HDAC9: variants seen among roughly 807,000 people sequenced by gnomAD.
HDAC9 encodes the protein histone deacetylase 9.
In HDAC9, 41 loss-of-function variants were observed where a neutral mutation model predicts 139.4. That is an observed-to-expected ratio of 0.29 (90% CI 0.23 to 0.38). The LOEUF is 0.38. Ranked by LOEUF, HDAC9 falls within the 10% of genes least tolerant of loss-of-function variation. The pLI is 1.00. For synonymous variants in HDAC9, 517 were observed against 476.2 expected (o/e 1.09, Z -1.12); for missense variants, 1,147 against 1,297.0 (o/e 0.88, Z 1.78).
intron 21 of HDAC9, among the ~76,000 whole-genome samples, chr7:18,866,787 A>G (rs149152426): frequency 5.3e-4 from 81 of 152,318 alleles, no homozygotes; most frequent in African/African-American, 1.9e-3. Context: ...GAGCACGTCA[A>G]ATGAGTGGGT....
At chr7:18,967,847 G>A (rs962899339) in intron 24 of HDAC9, among the ~76,000 whole-genome samples, 1 of 151,942 alleles carries the variant, frequency 6.6e-6, no homozygotes, top group Non-Finnish European at 1.5e-5. Flanking sequence ...TATGTGACAG[G>A]TGAGGACAGT....
At chr7:18,248,099 A>G (rs907237008) in intron 2 of HDAC9, among the ~76,000 whole-genome samples, 4 of 152,216 alleles carry the variant, frequency 2.6e-5, no homozygotes, top group Non-Finnish European at 5.9e-5. Context: ...AAGTACATAA[A>G]AATGTATTAT....
chr7:18,426,618 A>G (rs530020063), intron 1 of HDAC9, among the ~76,000 whole-genome samples: 2 of 152,208 alleles, frequency 1.3e-5, no homozygotes, highest in Admixed American at 6.5e-5. Flanking sequence ...TCAGGCATCT[A>G]ATAGCCAAAA....
intron 1 of HDAC9, among the ~76,000 whole-genome samples, chr7:18,330,536 C>G (rs1476036461): frequency 6.6e-6 from 1 of 151,400 alleles, no homozygotes; most frequent in Admixed American, 6.6e-5. Flanking sequence ...GAATTAATCT[C>G]TTAGAATACT....
At chr7:18,426,650 A>G (rs1033191000) in intron 1 of HDAC9, among the ~76,000 whole-genome samples, 1 of 152,178 alleles carries the variant, frequency 6.6e-6, no homozygotes, top group African/African-American at 2.4e-5. Context: ...ACTCATACAC[A>G]CCATCTTGAA....
At chr7:18,249,197 A>G (rs1794753305) in intron 2 of HDAC9, among the ~76,000 whole-genome samples, 1 of 152,172 alleles carries the variant, frequency 6.6e-6, no homozygotes, top group South Asian at 2.1e-4. Flanking sequence ...AAATAAAATA[A>G]TATTTTCATA....
chr7:18,507,982 G>A (rs1277689910), intron 2 of HDAC9, among the ~76,000 whole-genome samples: 1 of 152,208 alleles, frequency 6.6e-6, no homozygotes, highest in Non-Finnish European at 1.5e-5. Flanking sequence ...TTTGGAAGAT[G>A]AAATTGTTTG....
chr7:18,328,782 C>G (rs1335920984), intron 1 of HDAC9, among the ~76,000 whole-genome samples: 1 of 151,746 alleles, frequency 6.6e-6, no homozygotes, highest in Non-Finnish European at 1.5e-5. Context: ...CTTGTAGTGT[C>G]CTTGTCCGGC....
upstream of HDAC9, chr7:18,290,044 C>T (rs1227969583): frequency 6.5e-6 from 1 of 155,018 alleles, no homozygotes; most frequent in African/African-American, 2.4e-5. Context: ...CCACTTCCCA[C>T]ACGTCCTCTG....
At chr7:18,426,128 T>A (rs972017659) in intron 1 of HDAC9, among the ~76,000 whole-genome samples, 15 of 152,254 alleles carry the variant, frequency 9.9e-5, no homozygotes, top group African/African-American at 2.7e-4. Flanking sequence ...AAATCAAGCA[T>A]AATTATGAGC....
At chr7:18,800,391 T>G (rs1479723471) in intron 17 of HDAC9, among the ~76,000 whole-genome samples, 1 of 152,240 alleles carries the variant, frequency 6.6e-6, no homozygotes, top group Non-Finnish European at 1.5e-5. Context: ...TCATTTTGCA[T>G]GAAACATTCC....
chr7:18,576,796 A>G (rs1388472437), intron 2 of HDAC9, among the ~76,000 whole-genome samples: 1 of 152,218 alleles, frequency 6.6e-6, no homozygotes, highest in African/African-American at 2.4e-5. Context: ...GGAGAAAAGA[A>G]CAGTAAGAGA....
intron 2 of HDAC9, among the ~76,000 whole-genome samples, chr7:18,226,217 G>GAT (rs1302714323): frequency 6.6e-6 from 1 of 152,128 alleles, no homozygotes; most frequent in African/African-American, 2.4e-5. Context: ...TGCTATAGCT[G>GAT]ATACTGGAGC....
At chr7:18,124,858 C>T (rs989362111) in intron 1 of HDAC9, among the ~76,000 whole-genome samples, 3 of 151,820 alleles carry the variant, frequency 2.0e-5, no homozygotes, top group African/African-American at 4.8e-5. Context: ...CCAAAAGGAA[C>T]AGATGACTGA....
intron 17 of HDAC9, among the ~76,000 whole-genome samples, chr7:18,826,507 C>A (rs563741525): frequency 1.3e-5 from 2 of 152,252 alleles, no homozygotes; most frequent in East Asian, 1.9e-4. Flanking sequence ...AGAAGAAGAT[C>A]ATTTTCAACC....
intron 6 of HDAC9, among the ~76,000 whole-genome samples, chr7:18,625,311 C>T (rs1178781723): frequency 6.6e-6 from 1 of 152,154 alleles, no homozygotes; most frequent in Admixed American, 6.5e-5. Context: ...TTGGGAATCT[C>T]TGACAGATAT....
intron 1 of HDAC9, among the ~76,000 whole-genome samples, chr7:18,441,970 C>T (rs551422617): frequency 6.6e-6 from 1 of 152,216 alleles, no homozygotes; most frequent in South Asian, 2.1e-4. Context: ...CAGGGTTTCA[C>T]TGTATTTGCC....
intron 12 of HDAC9, among the ~76,000 whole-genome samples, chr7:18,726,493 C>T (rs1178126): frequency 0.025 from 3,825 of 152,124 alleles, 91 homozygotes; most frequent in Middle Eastern, 0.078. Context: ...TAGAATTAGA[C>T]GTTTAAAAAT....
intron 17 of HDAC9, among the ~76,000 whole-genome samples, chr7:18,794,014 G>A (rs939330499): frequency 1.3e-5 from 2 of 152,018 alleles, no homozygotes; most frequent in African/African-American, 2.4e-5. Flanking sequence ...TTTCTACATC[G>A]TATGAAAAGA....
Sources: gnomAD v4.1 joint callset for allele counts (sites outside exome capture counted in the v4.1 genomes callset) on GRCh38, gnomAD v4.1.1 for gene constraint, MANE v1.5 for transcripts, NCBI Gene and HGNC (gene_info 2026-07-23, HGNC 2026-07-21) for gene names.